Variants in SKIC3 observed in about 807,000 individuals in gnomAD.
The protein encoded by SKIC3 is SKI3 subunit of superkiller complex, also known as superkiller complex protein 3.
the SKIC3 span, among the ~76,000 whole-genome samples, chr5:95,504,122 G>A: frequency 6.6e-6 from 1 of 151,206 alleles, no homozygotes; most frequent in African/African-American, 2.4e-5. Context: ...TGGATCACAA[G>A]GTCAGGAGCT....
At chr5:95,503,122 T>TTAGAC in the SKIC3 span, 1 of 1,093,272 alleles carries the variant, frequency 9.1e-7, no homozygotes, top group Non-Finnish European at 1.3e-6. Flanking sequence ...ATCTTTGTAT[T>TTAGAC]CTCCTGTTCT....
At chr5:95,529,118 C>A in the SKIC3 span, 22 of 1,611,556 alleles carry the variant, frequency 1.4e-5, no homozygotes, top group Non-Finnish European at 1.8e-5. Flanking sequence ...AGGATAAAAA[C>A]AATCACAAAA....
At chr5:95,553,458 T>C in the SKIC3 span, among the ~76,000 whole-genome samples, 108 of 152,384 alleles carry the variant, frequency 7.1e-4, no homozygotes, top group African/African-American at 2.5e-3. Flanking sequence ...GAGAGCCCAC[T>C]TGTATTACCT....
At chr5:95,498,372 G>A in the SKIC3 span, 2 of 1,613,996 alleles carry the variant, frequency 1.2e-6, no homozygotes, top group South Asian at 1.1e-5. Context: ...GAATTTACCT[G>A]TGAACAGCTT....
At chr5:95,541,480 T>A in the SKIC3 span, 1 of 1,097,924 alleles carries the variant, frequency 9.1e-7, no homozygotes, top group Non-Finnish European at 1.4e-6. Context: ...ATTCCAATAA[T>A]AATTTCAGGT....
the SKIC3 span, chr5:95,554,944 G>T: frequency 4.1e-6 from 1 of 241,876 alleles, no homozygotes; most frequent in Non-Finnish European, 8.4e-6. Context: ...ACCTGGAGCA[G>T]ATGCTCCTCT....
At chr5:95,553,136 T>C in the SKIC3 span, among the ~76,000 whole-genome samples, 3 of 152,158 alleles carry the variant, frequency 2.0e-5, no homozygotes, top group African/African-American at 7.2e-5. Context: ...GAAGTAGGAC[T>C]AGAAGCCTCT....
At chr5:95,549,333 G>A in the SKIC3 span, among the ~76,000 whole-genome samples, 4 of 152,082 alleles carry the variant, frequency 2.6e-5, no homozygotes, top group Admixed American at 6.5e-5. Flanking sequence ...ATTAGGTTGG[G>A]TAGGTAAATA....
At chr5:95,513,764 C>G in the SKIC3 span, 1 of 889,420 alleles carries the variant, frequency 1.1e-6, no homozygotes, top group Non-Finnish European at 1.8e-6. Context: ...GCAAAGTTAA[C>G]CTAAGTTTTT....
the SKIC3 span, chr5:95,494,594 T>C: frequency 4.6e-6 from 6 of 1,301,990 alleles, no homozygotes; most frequent in East Asian, 1.4e-4. Context: ...ATAAAATATA[T>C]ATTGTGTGCA....
At chr5:95,552,324 T>C in the SKIC3 span, among the ~76,000 whole-genome samples, 1 of 152,188 alleles carries the variant, frequency 6.6e-6, no homozygotes, top group Non-Finnish European at 1.5e-5. Flanking sequence ...CAAACTGAGC[T>C]ACTCAACTGC....
chr5:95,540,313 G>C, the SKIC3 span, among the ~76,000 whole-genome samples: 1 of 152,120 alleles, frequency 6.6e-6, no homozygotes, highest in African/African-American at 2.4e-5. Context: ...GGGGACTTGG[G>C]GGAAGGTGAG....
chr5:95,541,174 C>G, the SKIC3 span: 1 of 790,382 alleles, frequency 1.3e-6, no homozygotes, highest in South Asian at 1.4e-5. Flanking sequence ...CCATGTTGGT[C>G]TGGCTGGTCT....
the SKIC3 span, among the ~76,000 whole-genome samples, chr5:95,519,323 T>C: frequency 2.0e-5 from 3 of 152,036 alleles, no homozygotes; most frequent in Non-Finnish European, 4.4e-5. Flanking sequence ...TAATCAGCTA[T>C]CACAAGCTGC....
At chr5:95,494,427 A>T in the SKIC3 span, among the ~76,000 whole-genome samples, 3 of 152,180 alleles carry the variant, frequency 2.0e-5, no homozygotes, top group Non-Finnish European at 4.4e-5. Flanking sequence ...GCACCTTGAA[A>T]CTATGTAAAT....
the SKIC3 span, among the ~76,000 whole-genome samples, chr5:95,500,150 G>T: frequency 6.6e-6 from 1 of 152,104 alleles, no homozygotes. Flanking sequence ...AAAAGGCGCT[G>T]GGATTCCTCT....
At chr5:95,529,819 T>C in the SKIC3 span, among the ~76,000 whole-genome samples, 1 of 150,246 alleles carries the variant, frequency 6.7e-6, no homozygotes, top group Non-Finnish European at 1.5e-5. Context: ...TTGCTTTGCT[T>C]TCTTTCTTTT....
the SKIC3 span, among the ~76,000 whole-genome samples, chr5:95,491,720 A>C: frequency 4.6e-5 from 7 of 152,206 alleles, no homozygotes; most frequent in Admixed American, 2.6e-4. Flanking sequence ...CTGTGAAAAA[A>C]AGAAACGTGA....
At chr5:95,493,915 A>C in the SKIC3 span, among the ~76,000 whole-genome samples, 2 of 152,098 alleles carry the variant, frequency 1.3e-5, no homozygotes, top group Non-Finnish European at 2.9e-5. Flanking sequence ...GAACACGCTT[A>C]AGTAACATTC....
Sources: gnomAD v4.1 joint callset for allele counts (sites outside exome capture counted in the v4.1 genomes callset) on GRCh38, gnomAD v4.1.1 for gene constraint, MANE v1.5 for transcripts, NCBI Gene and HGNC (gene_info 2026-07-23, HGNC 2026-07-21) for gene names.